MCTP1: variants seen among roughly 807,000 people sequenced by gnomAD.
MCTP1 encodes multiple C2 and transmembrane domain-containing protein 1.
A neutral mutation model predicts 120.6 loss-of-function variants in MCTP1; 69 were observed. The ratio of observed to expected loss-of-function variants is 0.57; its 90% CI spans 0.47 to 0.70. The LOEUF (loss-of-function observed/expected upper bound fraction) is 0.70. Among genes scored for constraint, MCTP1 ranks in the 30% least tolerant of loss-of-function variants. The probability of loss-of-function intolerance (pLI) is 0.00; values close to 1 mark genes in which losing one functional copy is unlikely to be tolerated. For synonymous variants in MCTP1, 529 were observed against 493.1 expected, an observed-to-expected ratio of 1.07 and a Z score of -0.96; for missense variants, 1,203 against 1,248.8, an observed-to-expected ratio of 0.96 and a Z score of 0.55.
At chr5:94,800,986 G>A (rs1202989818) in intron 17 of MCTP1, among the ~76,000 whole-genome samples, 2 of 151,862 alleles carry the variant, frequency 1.3e-5, no homozygotes. Flanking sequence ...ATACAAAGAT[G>A]ATATAAATAA....
chr5:95,225,217 T>C (rs991996502), intron 1 of MCTP1, among the ~76,000 whole-genome samples: 2 of 152,218 alleles, frequency 1.3e-5, no homozygotes, highest in Non-Finnish European at 1.5e-5. Flanking sequence ...CTACTATTAA[T>C]AATACCTGAC....
chr5:94,910,767 C>T (rs1217316904), intron 9 of MCTP1, among the ~76,000 whole-genome samples: 1 of 141,564 alleles, frequency 7.1e-6, no homozygotes, highest in African/African-American at 2.8e-5. Context: ...TCATAGGTAC[C>T]TATTTTTGGA....
At chr5:94,722,197 T>C (rs1761074475) in intron 19 of MCTP1, among the ~76,000 whole-genome samples, 1 of 152,214 alleles carries the variant, frequency 6.6e-6, no homozygotes. Flanking sequence ...ATACCTTACA[T>C]ATTCGAAGAA....
At position 95,284,451 on chromosome 5, in the gene MCTP1, CGCCCGCCCCCGCCGCCCTTGCTCCT is replaced by C. The variant is rs1209806848; in HGVS notation, c.100_124del (p.Arg34AlafsTer92). 2 of 1,507,118 alleles carry C rather than the reference CGCCCGCCCCCGCCGCCCTTGCTCCT, an allele frequency of 1.3e-6. No individual in the cohort carries two copies. The highest frequency in any genetic ancestry group is 1.4e-5 in the African/African-American group (1 of 70,606). The allele number at this position is 1,507,118 out of a possible 1,614,324, so 93.4% of individuals were successfully genotyped here. The stretch of plus-strand genomic sequence containing the variant: ...AGTGCGGCGCTCTGGACCCCCAGCG[CGCCCGCCCCCGCCGCCCTTGCTCCT>C]GCCCACCCCCAGCTGCAGGTTCTTC... On this transcript the variant is annotated frameshift_variant, in exon 1 of 23. Coordinates refer to ENST00000515393, the MANE Select transcript of MCTP1 (RefSeq NM_024717.7). LOFTEE classifies it high-confidence loss of function. This position sits in a 1 kb window ranked among gnomAD's most constrained non-coding sequence, Gnocchi z 5.2.
At chr5:94,743,075 C>G (rs1316064595) in intron 19 of MCTP1, among the ~76,000 whole-genome samples, 1 of 149,530 alleles carries the variant, frequency 6.7e-6, no homozygotes, top group African/African-American at 2.5e-5. Flanking sequence ...CCTAATCTAC[C>G]AAAACAGAGC....
rs1365506294 is a variant in MCTP1 at position 94,934,771 on chromosome 5, A to G, written c.1174-2780T>C. Among the ~76,000 whole-genome samples the G allele has an allele frequency of 6.8e-5, 10 of 146,278 alleles. 1 individual carries two copies. The South Asian group carries it at 2.1e-3, about 31-fold the overall frequency. ...TTTTTTTTTTACTCATCAAAGGCCA[A>G]CTGAGATCATTCATATGTTTCTTTG... On this transcript the variant is annotated intron_variant, in intron 5 of 22. Transcript: ENST00000515393.
rs370692103 is a variant in MCTP1 at position 94,872,450 on chromosome 5, G to A, written c.2036+689C>T. Among the ~76,000 whole-genome samples the A allele has an allele frequency of 4.6e-5, 7 of 151,976 alleles. No individual in the cohort carries two copies. The East Asian group carries it at 5.8e-4, about 13-fold the overall frequency. On this transcript the variant is annotated intron_variant, in intron 13 of 22. Coordinates refer to ENST00000515393, the MANE Select transcript of MCTP1 (RefSeq NM_024717.7). ...ACATAATAAATTGATGAAGAATTTC[G>A]CAGTTTTTCATATACAAAAAAATAG...
chr5:95,145,374 ATG>A (rs1650610556), intron 1 of MCTP1, among the ~76,000 whole-genome samples: 1 of 152,038 alleles, frequency 6.6e-6, no homozygotes, highest in Non-Finnish European at 1.5e-5. Flanking sequence ...TCCTATTTGG[ATG>A]TCTTTTATTT....
At chr5:95,189,458 T>G (rs140760023) in intron 1 of MCTP1, among the ~76,000 whole-genome samples, 1 of 152,256 alleles carries the variant, frequency 6.6e-6, no homozygotes, top group East Asian at 1.9e-4. Context: ...CCTCAACAAC[T>G]CAACAAGTTA....
intron 19 of MCTP1, among the ~76,000 whole-genome samples, chr5:94,723,253 C>G (rs1179539490): frequency 1.3e-5 from 2 of 152,110 alleles, no homozygotes; most frequent in African/African-American, 2.4e-5. Flanking sequence ...TAGAAACACT[C>G]TATTGAGACA....
At chr5:94,851,960 TATC>T (rs1425472240) in intron 17 of MCTP1, among the ~76,000 whole-genome samples, 3 of 151,920 alleles carry the variant, frequency 2.0e-5, no homozygotes, top group Non-Finnish European at 2.9e-5. Context: ...TAATTGTACA[TATC>T]ATAATATAAT....
chr5:95,264,309 T>C (rs573040463), intron 1 of MCTP1, among the ~76,000 whole-genome samples: 1 of 152,336 alleles, frequency 6.6e-6, no homozygotes, highest in Admixed American at 6.5e-5. Flanking sequence ...AGTCATCTCA[T>C]TAGCATGGCT....
chr5:95,022,138 A>T (rs537365803), intron 1 of MCTP1, among the ~76,000 whole-genome samples: 1 of 152,174 alleles, frequency 6.6e-6, no homozygotes, highest in Non-Finnish European at 1.5e-5. Flanking sequence ...AGCATACTTG[A>T]GTATACCCGT....
chr5:94,773,534 G>A (rs1774584692), intron 19 of MCTP1, among the ~76,000 whole-genome samples: 1 of 152,160 alleles, frequency 6.6e-6, no homozygotes, highest in Non-Finnish European at 1.5e-5. Context: ...GAGTGTGGGA[G>A]TGGGTTTTGT....
At chr5:95,190,756 A>T (rs1340116041) in intron 1 of MCTP1, among the ~76,000 whole-genome samples, 1 of 152,158 alleles carries the variant, frequency 6.6e-6, no homozygotes, top group African/African-American at 2.4e-5. Context: ...CACACATTAT[A>T]TAAGTGCTAT....
At chr5:94,744,580 T>C (rs2152767676) in intron 19 of MCTP1, among the ~76,000 whole-genome samples, 1 of 152,284 alleles carries the variant, frequency 6.6e-6, no homozygotes, top group East Asian at 1.9e-4. Flanking sequence ...CTCAGCTCAC[T>C]GCAACCTCTG....
At chr5:95,081,855 C>T (rs1754986348) in intron 1 of MCTP1, 1 of 1,004,318 alleles carries the variant, frequency 1.0e-6, no homozygotes, top group Admixed American at 5.9e-5. Flanking sequence ...TAGTAGTCAA[C>T]CTCTTCCTCA....
intron 12 of MCTP1, among the ~76,000 whole-genome samples, chr5:94,883,044 T>G (rs1581176161): frequency 6.6e-6 from 1 of 152,186 alleles, no homozygotes; most frequent in African/African-American, 2.4e-5. Flanking sequence ...GTTTTAAAAA[T>G]GCAATTACTA....
intron 1 of MCTP1, among the ~76,000 whole-genome samples, chr5:95,107,293 G>A (rs1235748401): frequency 6.6e-6 from 1 of 152,106 alleles, no homozygotes; most frequent in African/African-American, 2.4e-5. Context: ...AATGAATCGG[G>A]TACTCTGGGG....
Sources: gnomAD v4.1 joint callset for allele counts (sites outside exome capture counted in the v4.1 genomes callset) on GRCh38, gnomAD v4.1.1 for gene constraint, Gnocchi (gnomAD v3.1) non-coding constraint, MANE v1.5 for transcripts, NCBI Gene and HGNC (gene_info 2026-07-23, HGNC 2026-07-21) for gene names.